ITPR1: variants seen among roughly 807,000 people sequenced by gnomAD.
The protein encoded by ITPR1 is inositol 1,4,5-trisphosphate receptor type 1.
Under a neutral mutation model 318.4 loss-of-function variants are expected in ITPR1, and 96 were observed. The ratio of observed to expected loss-of-function variants is 0.30; its 90% CI spans 0.26 to 0.36. The LOEUF (loss-of-function observed/expected upper bound fraction) is 0.36. Ranked by LOEUF, ITPR1 falls within the 10% of genes least tolerant of loss-of-function variation. The pLI is 1.00. For synonymous variants in ITPR1, 1,312 were observed against 1,289.9 expected, an observed-to-expected ratio of 1.02 and a Z score of -0.37; for missense variants, 2,440 against 3,460.2, an observed-to-expected ratio of 0.71 and a Z score of 7.40.
At chr3:4,601,712 G>A (rs867165271) in intron 4 of ITPR1, among the ~76,000 whole-genome samples, 3 of 152,224 alleles carry the variant, frequency 2.0e-5, no homozygotes, top group African/African-American at 2.4e-5. Context: ...ATTGCACTTC[G>A]TCAAAATTAA....
intron 54 of ITPR1, among the ~76,000 whole-genome samples, chr3:4,802,623 GACCA>G (rs1054819080): frequency 2.0e-5 from 3 of 152,086 alleles, no homozygotes; most frequent in Admixed American, 2.0e-4. Context: ...AGGAGTTCAA[GACCA>G]GCCTGGCCAG....
intron 53 of ITPR1, among the ~76,000 whole-genome samples, chr3:4,795,480 A>G (rs936351902): frequency 2.0e-5 from 3 of 152,248 alleles, no homozygotes. Flanking sequence ...TGAGGAAACT[A>G]TGTCTCAGAG....
At chr3:4,606,180 A>G (rs1454365964) in intron 4 of ITPR1, among the ~76,000 whole-genome samples, 1 of 152,104 alleles carries the variant, frequency 6.6e-6, no homozygotes, top group African/African-American at 2.4e-5. Context: ...TGCACAGACA[A>G]ATTCTAGGGC....
intron 60 of ITPR1, among the ~76,000 whole-genome samples, chr3:4,820,626 A>T (rs1420007091): frequency 6.6e-6 from 1 of 152,222 alleles, no homozygotes; most frequent in African/African-American, 2.4e-5. Flanking sequence ...CTTTGATTAT[A>T]TGAGACATCT....
At chr3:4,512,578 T>A (rs559824811) in intron 2 of ITPR1, among the ~76,000 whole-genome samples, 1 of 152,202 alleles carries the variant, frequency 6.6e-6, no homozygotes, top group Non-Finnish European at 1.5e-5. Flanking sequence ...TTTGTTATGA[T>A]ACACATCTGA....
At chr3:4,620,598 C>A (rs548579361) in intron 4 of ITPR1, among the ~76,000 whole-genome samples, 17 of 151,126 alleles carry the variant, frequency 1.1e-4, no homozygotes, top group African/African-American at 3.7e-4. Flanking sequence ...CTCTTTCCAT[C>A]TTTATTTATT....
chr3:4,814,726 A>C (rs1039978016), intron 58 of ITPR1, 164 bp downstream of exon 58: 1 of 692,280 alleles, frequency 1.4e-6, no homozygotes, highest in Non-Finnish European at 2.4e-6. Flanking sequence ...CCTCTCTATC[A>C]CGTGAGGTGG....
At chr3:4,651,285 C>A (rs898678884) in intron 10 of ITPR1, among the ~76,000 whole-genome samples, 2 of 152,166 alleles carry the variant, frequency 1.3e-5, no homozygotes, top group African/African-American at 4.8e-5. Flanking sequence ...GTGCAGACTT[C>A]CAGAGCTTTT....
intron 18 of ITPR1, among the ~76,000 whole-genome samples, chr3:4,669,042 A>G (rs73807115): frequency 0.15 from 22,571 of 152,224 alleles, 3,488 homozygotes; most frequent in African/African-American, 0.39. Context: ...ACAATGGAGC[A>G]CGGACACAGT....
At chr3:4,546,605 A>G (rs1007728976) in intron 4 of ITPR1, among the ~76,000 whole-genome samples, 1 of 152,150 alleles carries the variant, frequency 6.6e-6, no homozygotes, top group Non-Finnish European at 1.5e-5. Context: ...GAAGTCCGCA[A>G]GCAGTAGTGT....
At chr3:4,761,281 T>TG (rs2045427157) in intron 44 of ITPR1, among the ~76,000 whole-genome samples, 2 of 152,170 alleles carry the variant, frequency 1.3e-5, no homozygotes, top group Admixed American at 1.3e-4. Context: ...GCCCAGGCAC[T>TG]CCCCACTGTC....
intron 4 of ITPR1, among the ~76,000 whole-genome samples, chr3:4,555,423 C>A (rs2086025638): frequency 6.6e-6 from 1 of 152,186 alleles, no homozygotes; most frequent in Non-Finnish European, 1.5e-5. Context: ...TTAAAACATA[C>A]ATTTTTATGA....
chr3:4,714,506 C>T (rs993590323), intron 39 of ITPR1, among the ~76,000 whole-genome samples: 7 of 152,146 alleles, frequency 4.6e-5, no homozygotes, highest in Non-Finnish European at 7.4e-5. Context: ...CCTGTGCCTA[C>T]GAGGAGGCTG....
Position 4,779,635 on chromosome 3 carries a change from C to T in ITPR1, c.6377C>T (p.Pro2126Leu). Residue 2126 changes from proline to leucine, a missense_variant, in exon 49 of 62, where the codon CCC (proline) becomes CTC (leucine). Transcript: ENST00000649015. The surrounding 1 kb of genome is among the most constrained non-coding windows in gnomAD (Gnocchi z 4.0). ...NAERILYNMRPKELVEVIKKA... is the reference protein window; with the variant it reads ...NAERILYNMRLKELVEVIKKA... ...GAGAGGATACTTTATAACATGAGGC[C>T]CAAGGAACTGGTGAGTCGGGTGACG... 6.2e-7 allele frequency: 1 copy of T among 1,609,230 alleles called. No homozygotes were observed. The highest frequency in any genetic ancestry group is 8.5e-7 in the Non-Finnish European group (1 of 1,176,302).
intron 12 of ITPR1, among the ~76,000 whole-genome samples, chr3:4,656,832 T>TG (rs1162724406): frequency 5.9e-5 from 9 of 152,186 alleles, no homozygotes; most frequent in South Asian, 4.1e-4. Context: ...CCTCAATAGA[T>TG]GCAGGTGGAG....
At position 4,639,107 on chromosome 3, in the gene ITPR1, C is replaced by G. The variant is rs146227282; in HGVS notation, c.280-277C>G. On this transcript the variant is annotated intron_variant, in intron 5 of 61. Transcript: ENST00000649015. Reference sequence around the variant, plus strand: ...CCTATTTTCTTTGAAGATATTTCAGCTTTTGACTTACTCTCACCCTAAGCA... The same window carrying G: ...CCTATTTTCTTTGAAGATATTTCAGGTTTTGACTTACTCTCACCCTAAGCA... 5.8e-3 allele frequency among the ~76,000 whole-genome samples: 890 copies of G among 152,198 alleles called. 3 individuals are homozygous for G. Among genetic ancestry groups the G allele is most frequent in the Middle Eastern group, 0.017 (5 of 294 alleles).
At chr3:4,674,741 C>T (rs1413938947) in intron 22 of ITPR1, among the ~76,000 whole-genome samples, 1 of 151,992 alleles carries the variant, frequency 6.6e-6, no homozygotes, top group African/African-American at 2.4e-5. Flanking sequence ...TGCTGAGGAT[C>T]GCAGAGTGTT....
In ITPR1 at chr3:4,644,120, C is replaced by T. The variant is rs1448913707; in HGVS notation, c.526-16C>T. On this transcript the variant is annotated splice_polypyrimidine_tract_variant and intron_variant, in intron 7 of 61. Transcript: ENST00000649015. ...ATCAGTTTTGTGCAAAGCTCTATTG[C>T]TCCTTTCCATTCCAGGTGGTCATAG... 3 of 1,571,562 alleles carry T rather than the reference C, an allele frequency of 1.9e-6. No homozygotes were observed. Among genetic ancestry groups the T allele is most frequent in the South Asian group, 1.1e-5 (1 of 88,136 alleles).
chr3:4,620,068 C>T (rs1265257488), intron 4 of ITPR1, among the ~76,000 whole-genome samples: 1 of 151,968 alleles, frequency 6.6e-6, no homozygotes, highest in African/African-American at 2.4e-5. Flanking sequence ...GTAAAAACCA[C>T]TCTGAGTTTG....
Sources: allele counts gnomAD v4.1 joint callset (sites outside exome capture counted in the v4.1 genomes callset), GRCh38; gene constraint gnomAD v4.1.1; non-coding constraint Gnocchi (gnomAD v3.1); transcripts MANE v1.5; gene names NCBI Gene and HGNC (gene_info 2026-07-23, HGNC 2026-07-21).